The following MGAM variants were observed in gnomAD, a reference collection of about 807,000 sequenced individuals.
MGAM encodes alpha-1,4-glucosidase.
In MGAM, 253 loss-of-function variants were observed where a neutral mutation model predicts 358.8. That is an observed-to-expected ratio of 0.71 (90% confidence interval 0.64 to 0.78). MGAM has a LOEUF of 0.78. Among genes scored for constraint, MGAM ranks in the 30% least tolerant of loss-of-function variants. The pLI is 0.00. For synonymous variants in MGAM, 1,105 were observed against 1,227.1 expected, an observed-to-expected ratio of 0.90 and a Z score of 2.08; for missense variants, 3,080 against 3,432.6, an observed-to-expected ratio of 0.90 and a Z score of 2.57.
chr7:142,105,297 T>TTA (rs1246691413), intron 70 of MGAM, among the ~76,000 whole-genome samples: 4 of 151,280 alleles, frequency 2.6e-5, no homozygotes, highest in Non-Finnish European at 5.9e-5. Flanking sequence ...TTGAACATTT[T>TTA]TTTTTTTTTT....
In MGAM at chr7:142,063,602, C is replaced by A. The variant is rs747266018; in HGVS notation, c.4345+16C>A. The A allele has an allele frequency of 2.5e-6, 4 of 1,611,372 alleles. No individual in the cohort carries two copies. Among genetic ancestry groups the A allele is most frequent in the Admixed American group, 1.7e-5 (1 of 59,658 alleles). On this transcript the variant is annotated intron_variant, in intron 36 of 70. Coordinates refer to ENST00000475668, the MANE Select transcript of MGAM (RefSeq NM_001365693.1). ...TACATGCCACGTAAGAAGCCTTGGC[C>A]TCCTTGACTGGCAGAGCCATGACTG...
At position 142,103,365 on chromosome 7, in the gene MGAM, C is replaced by T. The variant is rs1374422639; in HGVS notation, c.8110C>T (p.Pro2704Ser). 6.2e-7 allele frequency: 1 copy of T among 1,613,018 alleles called. No homozygotes were observed. Among genetic ancestry groups the T allele is most frequent in the African/African-American group, 1.3e-5 (1 of 74,882 alleles). Reference protein sequence around the residue: ...YIEIWGVGSVPVTSVSISVSG... With the variant: ...YIEIWGVGSVSVTSVSISVSG... ...TGAAATCTGGGGAGTGGGCAGTGTC[C>T]CCGTTACCAGTGTCAGCATCTCTGT... The change falls in exon 70 of 71, where the codon CCC becomes TCC. Residue 2704 changes from proline (P) to serine (S), a missense_variant. Physicochemically the swap from Pro to Ser is moderately conservative, Grantham distance 74. Coordinates refer to ENST00000475668, the MANE Select transcript of MGAM (RefSeq NM_001365693.1).
rs755409354 is a variant in MGAM at position 142,064,355 on chromosome 7, G to A, written c.4346-29G>A. On this transcript the variant is annotated intron_variant, in intron 36 of 70. Transcript: ENST00000475668. Reference sequence around the variant, plus strand: ...CAGGGAGAAACAGAATCAGGGCTGGGTTTCACCTCGCCAGTTCTTCCTCCT... The same window carrying A: ...CAGGGAGAAACAGAATCAGGGCTGGATTTCACCTCGCCAGTTCTTCCTCCT... 139 of 1,593,120 alleles carry A rather than the reference G, an allele frequency of 8.7e-5. No individual in the cohort carries two copies. In the African/African-American group the frequency reaches 1.7e-3, roughly 19 times the overall value.
At chr7:142,045,213 A>G (rs1470530030) in intron 21 of MGAM, among the ~76,000 whole-genome samples, 18 of 48,432 alleles carry the variant, frequency 3.7e-4, no homozygotes, top group Non-Finnish European at 6.3e-4. Context: ...TATATAACAT[A>G]TATGTATATA....
chr7:141,990,926 T>C (rs939423532), upstream of MGAM, among the ~76,000 whole-genome samples: 1 of 152,212 alleles, frequency 6.6e-6, no homozygotes, highest in East Asian at 1.9e-4. Flanking sequence ...CTCTGTCCAG[T>C]AGCATTTGCT....
chr7:142,008,640 G>C lies in MGAM; in HGVS notation c.262G>C (p.Ala88Pro). Residue 88 changes from alanine to proline, a missense_variant, in exon 3 of 71, where the codon GCT (alanine) becomes CCT (proline). Ala to Pro is a conservative substitution (Grantham distance 27). Coordinates refer to ENST00000475668, the MANE Select transcript of MGAM (RefSeq NM_001365693.1). ...PGTTGTTPVSAECPVVNELER... is the reference protein window; with the variant it reads ...PGTTGTTPVSPECPVVNELER... The stretch of plus-strand genomic sequence containing the variant: ...AACAACTGGTACCACTCCTGTTTCT[G>C]CTGAATGTCCAGTGGTAAATGAATT... The C allele has an allele frequency of 6.2e-7, 1 of 1,613,258 alleles. No individual in the cohort carries two copies. The highest frequency in any genetic ancestry group is 8.5e-7 in the Non-Finnish European group (1 of 1,179,428).
chr7:141,987,346 C>A (rs1031680689), intron 2 of MGAM, among the ~76,000 whole-genome samples: 1 of 152,192 alleles, frequency 6.6e-6, no homozygotes, highest in East Asian at 1.9e-4. Flanking sequence ...CTCTTTTGGA[C>A]AAACAAGCAT....
chr7:142,092,235 A>G (rs551161288), intron 58 of MGAM, among the ~76,000 whole-genome samples, 188 bp downstream of exon 58: 1 of 146,272 alleles, frequency 6.8e-6, no homozygotes, highest in East Asian at 2.0e-4. Flanking sequence ...CAGACCTGAC[A>G]TTACTACTAT....
rs1163509630 is a variant in MGAM at position 142,043,567 on chromosome 7, T to C, written c.2498+2721T>C. On this transcript the variant is annotated intron_variant, in intron 21 of 70. Coordinates refer to ENST00000475668, the MANE Select transcript of MGAM (RefSeq NM_001365693.1). Reference sequence around the variant, plus strand: ...GATATATCTAAATATATATATTATATATACATATGATATCTAAATATATAA... The same window carrying C: ...GATATATCTAAATATATATATTATACATACATATGATATCTAAATATATAA... 1.1e-4 allele frequency among the ~76,000 whole-genome samples: 10 copies of C among 87,050 alleles called. 2 individuals are homozygous for C. Among genetic ancestry groups the C allele is most frequent in the African/African-American group, 4.0e-4 (9 of 22,462 alleles). 57.1% of individuals were successfully genotyped at this position (87,050 alleles called of 152,430 possible).
rs1813548224 is a variant in MGAM, at chr7:142,074,079, C to G, written c.5187-6C>G. 6.6e-7 allele frequency: 1 copy of G among 1,523,484 alleles called. No individual in the cohort carries two copies. The highest frequency in any genetic ancestry group is 1.3e-5 in the African/African-American group (1 of 74,376). The allele number at this position is 1,523,484 out of a possible 1,614,324, so 94.4% of individuals were successfully genotyped here. A position where few individuals can be genotyped will look rare whatever the true frequency, so the allele number is the denominator to read the frequency against. ...GTCTTTGTCTCTTGAATCTTGTTCC[C>G]CACAGTCGAAAGAACCCTCTTGGTC... is the stretch of plus-strand genomic sequence containing the variant. On this transcript the variant is annotated splice_polypyrimidine_tract_variant and splice_region_variant and intron_variant, in intron 44 of 70. Transcript: ENST00000475668.
At position 142,052,959 on chromosome 7, in the gene MGAM, A is replaced by C. The variant is rs376565637; in HGVS notation, c.3134A>C (p.His1045Pro). 6.2e-7 allele frequency: 1 copy of C among 1,613,854 alleles called. No individual in the cohort carries two copies. The highest frequency in any genetic ancestry group is 1.7e-5 in the Admixed American group (1 of 60,020). ...CCCCTTCGCCTGGATGTCACTTACC[A>C]TAAGAATGAAATGCTGCAGTTCAAG... ...VNPLRLDVTY[H>P]KNEMLQFKIY... Residue 1045 changes from histidine to proline, a missense_variant, in exon 26 of 71, where the codon CAT becomes CCT. Coordinates refer to ENST00000475668, the MANE Select transcript of MGAM (RefSeq NM_001365693.1).
chr7:141,992,849 C>G (rs960315050), upstream of MGAM, among the ~76,000 whole-genome samples: 1 of 152,158 alleles, frequency 6.6e-6, no homozygotes, highest in Non-Finnish European at 1.5e-5. Context: ...TCCCAAAGTG[C>G]TAGGATTACA....
Position 142,100,783 on chromosome 7 carries a change from C to T in MGAM, c.7875-19C>T. The T allele has an allele frequency of 5.0e-6, 8 of 1,600,690 alleles. No individual in the cohort carries two copies. Among genetic ancestry groups the T allele is most frequent in the Non-Finnish European group, 6.8e-6 (8 of 1,172,866 alleles). On this transcript the variant is annotated intron_variant, in intron 67 of 70. Transcript: ENST00000475668. The stretch of plus-strand genomic sequence containing the variant: ...GTGGCTTTACTTTTAGCTAATGCCT[C>T]TCTGCCTGCTCACTGCAGCCGCCAG...
rs773279743 is a variant in MGAM, at chr7:142,097,629, C to T, written c.7729C>T (p.Arg2577Cys). The T allele has an allele frequency of 2.5e-5, 40 of 1,611,266 alleles. No homozygotes were observed. The highest frequency in any genetic ancestry group is 4.4e-5 in the South Asian group (4 of 91,032). Residue 2577 changes from arginine to cysteine, a missense_variant, in exon 66 of 71, where the codon CGC becomes TGC. Around this residue, in one of 5 missense-constraint regions of MGAM, gnomAD observed 932 missense variants for 1,198.2 expected, o/e 0.78. Transcript: ENST00000475668. ...TGTCACTGCATATTTCCCTAGAGCC[C>T]GCTGGTATGATTACTACACGGTAAG... is the stretch of plus-strand genomic sequence containing the variant. ...RNVTAYFPRA[R>C]WYDYYTGVDI...
At chr7:142,090,931 C>G (rs1179963295) in intron 57 of MGAM, among the ~76,000 whole-genome samples, 1 of 146,176 alleles carries the variant, frequency 6.8e-6, no homozygotes, top group Admixed American at 6.9e-5. Flanking sequence ...TTCTTGCTCT[C>G]AAAAGTCTAC....
chr7:142,041,416 T>TA (rs1329626061), intron 21 of MGAM, among the ~76,000 whole-genome samples: 1 of 152,140 alleles, frequency 6.6e-6, no homozygotes, highest in Non-Finnish European at 1.5e-5. Flanking sequence ...GTAGACTTTT[T>TA]ATGATACTAA....
chr7:142,060,541 C>A (rs1278780897), intron 34 of MGAM, among the ~76,000 whole-genome samples, 168 bp downstream of exon 34: 1 of 152,214 alleles, frequency 6.6e-6, no homozygotes, highest in East Asian at 1.9e-4. Flanking sequence ...TATAGGTAGT[C>A]ATACTTTACT....
At chr7:142,050,554 T>C in intron 23 of MGAM, 143 bp from the exon 24 acceptor site, 1 of 953,476 alleles carries the variant, frequency 1.0e-6, no homozygotes, top group Non-Finnish European at 1.6e-6. Context: ...ATGTTGTACT[T>C]CTTCAGCACA....
At chr7:142,017,743 T>C (rs2128992475) in intron 3 of MGAM, among the ~76,000 whole-genome samples, 1 of 152,318 alleles carries the variant, frequency 6.6e-6, no homozygotes, top group South Asian at 2.1e-4. Flanking sequence ...ACATCGTTGT[T>C]TATCCCTCAT....
Sources: gnomAD v4.1 joint callset for allele counts (sites outside exome capture counted in the v4.1 genomes callset) on GRCh38, gnomAD v4.1.1 for gene constraint, gnomAD v4.1.1 regional missense constraint, MANE v1.5 for transcripts, NCBI Gene and HGNC (gene_info 2026-07-23, HGNC 2026-07-21) for gene names.